Variants in MRPL48 observed in about 807,000 individuals in gnomAD.
The protein encoded by MRPL48 is large ribosomal subunit protein mL48.
In MRPL48, 16 loss-of-function variants were observed where a neutral mutation model predicts 32.9. That is an observed-to-expected ratio of 0.49 (90% CI 0.33 to 0.74). MRPL48 has a LOEUF of 0.74. MRPL48 is among the 30% of genes least tolerant of loss of function. The pLI, the probability that MRPL48 is intolerant of heterozygous loss-of-function variation, is 0.02. For synonymous variants in MRPL48, 94 were observed against 89.2 expected (o/e 1.05, Z -0.31); for missense variants, 206 against 245.3 (o/e 0.84, Z 1.07).
At chr11:73,813,346 G>A (rs970636367) in intron 3 of MRPL48, among the ~76,000 whole-genome samples, 1 of 150,634 alleles carries the variant, frequency 6.6e-6, no homozygotes, top group African/African-American at 2.4e-5. Flanking sequence ...TAATTTTTTT[G>A]TATTTTTAGT....
chr11:73,809,201 A>C (rs1393036786), intron 3 of MRPL48, among the ~76,000 whole-genome samples: 1 of 146,978 alleles, frequency 6.8e-6, no homozygotes, highest in Middle Eastern at 3.2e-3. Context: ...CCATTTGAAG[A>C]TTCAGTGAGA....
intron 5 of MRPL48, among the ~76,000 whole-genome samples, chr11:73,845,610 A>G (rs1007453534): frequency 6.6e-6 from 1 of 151,944 alleles, no homozygotes. Context: ...TCGTCTCTAC[A>G]AATAACAAAA....
At chr11:73,825,273 G>GTT (rs949573597) in intron 3 of MRPL48, among the ~76,000 whole-genome samples, 1 of 121,102 alleles carries the variant, frequency 8.3e-6, no homozygotes, top group Non-Finnish European at 1.7e-5. Flanking sequence ...CTGTTACCTT[G>GTT]TTTTTTATAT....
chr11:73,840,114 C>T (rs1230994317), intron 4 of MRPL48, among the ~76,000 whole-genome samples: 1 of 144,478 alleles, frequency 6.9e-6, no homozygotes, highest in Non-Finnish European at 1.5e-5. Context: ...AAAAAAAAAA[C>T]TCAGTTTTGT....
intron 5 of MRPL48, chr11:73,850,500 G>A (rs560027524): frequency 2.7e-5 from 9 of 338,946 alleles, no homozygotes; most frequent in Admixed American, 1.3e-4. Flanking sequence ...ATTTGACACC[G>A]TTTATTAAAC....
At position 73,864,495 on chromosome 11, in the gene MRPL48, AG is replaced by A; in HGVS notation, c.*126del. 1.1e-6 allele frequency: 1 copy of A among 894,912 alleles called. No homozygotes were observed. The highest frequency in any genetic ancestry group is 1.8e-6 in the Non-Finnish European group (1 of 564,484). 55.4% of individuals were successfully genotyped at this position (894,912 alleles called of 1,614,324 possible). On this transcript the variant is annotated 3_prime_UTR_variant, in exon 8 of 8. Coordinates refer to ENST00000310614, the MANE Select transcript of MRPL48 (RefSeq NM_016055.6). The stretch of plus-strand genomic sequence containing the variant: ...TTCATAAGTACCCATTCCCATAGCC[AG>A]TAATGTCCTCACTCCTCTGTGGCTT...
In MRPL48 at chr11:73,801,494, A is replaced by G. The variant is rs118108319; in HGVS notation, c.22-3533A>G. On this transcript the variant is annotated intron_variant, in intron 1 of 7. Transcript: ENST00000310614. ...ACAAAGTCTTTTAGTACCTGATTCA[A>G]TTGTGCTTCTGGGATCATCTGCACA... Among the ~76,000 whole-genome samples, 291 of 152,244 alleles carry G rather than the reference A, an allele frequency of 1.9e-3. 4 individuals are homozygous for G. The East Asian group carries it at 0.031, about 16-fold the overall frequency.
At chr11:73,805,293 C>CTTTTTTTTTTTTT (rs11335180) in intron 2 of MRPL48, among the ~76,000 whole-genome samples, 2 of 136,894 alleles carry the variant, frequency 1.5e-5, no homozygotes. Context: ...TGATGCTGTT[C>CTTTTTTTTTTTTT]TTTTTTTTTT....
chr11:73,788,049 G>GGAGATGGCGGACGGTGCAGAGAGGA, intron 1 of MRPL48, 57 bp downstream of exon 1: 1 of 1,602,960 alleles, frequency 6.2e-7, no homozygotes, highest in African/African-American at 1.3e-5. Context: ...TGCAGAGAGG[G>GGAGATGGCGGACGGTGCAGAGAGGA]GAGATGGCGG....
intron 4 of MRPL48, among the ~76,000 whole-genome samples, chr11:73,839,617 C>T (rs957386205): frequency 6.6e-6 from 1 of 152,004 alleles, no homozygotes. Context: ...TCACGCCACA[C>T]ACAGAAATGA....
chr11:73,809,296 A>G (rs1453648445), intron 3 of MRPL48, among the ~76,000 whole-genome samples: 3 of 152,062 alleles, frequency 2.0e-5, no homozygotes, highest in South Asian at 2.1e-4. Context: ...TCATGAGGTC[A>G]GATCAAGACA....
chr11:73,858,232 G>T (rs944228472), intron 5 of MRPL48, among the ~76,000 whole-genome samples: 8 of 152,318 alleles, frequency 5.3e-5, no homozygotes, highest in Middle Eastern at 3.4e-3. Flanking sequence ...ATGCTGAAAA[G>T]CAGGAGGGAT....
intron 2 of MRPL48, among the ~76,000 whole-genome samples, chr11:73,807,514 A>G (rs1947475162): frequency 6.6e-6 from 1 of 151,270 alleles, no homozygotes; most frequent in Non-Finnish European, 1.5e-5. Flanking sequence ...ATTTTTCGTT[A>G]TCTCTAATCT....
chr11:73,799,842 T>C (rs1947324661), intron 1 of MRPL48, among the ~76,000 whole-genome samples: 1 of 152,164 alleles, frequency 6.6e-6, no homozygotes, highest in Non-Finnish European at 1.5e-5. Context: ...GAGATGGTGT[T>C]TGGCATATAG....
intron 3 of MRPL48, among the ~76,000 whole-genome samples, chr11:73,812,282 T>C (rs916629763): frequency 5.3e-5 from 8 of 152,214 alleles, no homozygotes; most frequent in African/African-American, 1.9e-4. Context: ...ATTTATATTA[T>C]GTGTGTGTAT....
intron 5 of MRPL48, among the ~76,000 whole-genome samples, chr11:73,858,083 T>C (rs1948517635): frequency 1.3e-5 from 2 of 152,210 alleles, no homozygotes; most frequent in Admixed American, 6.5e-5. Flanking sequence ...AGAAAAATAG[T>C]ATTTTAGGGT....
Position 73,864,351 on chromosome 11 carries a change from T to G in MRPL48, c.620T>G (p.Leu207Arg). ...AAAGCTCGACCAGAACTGGAAGAACTGTTGGCCAAGTTGAAGTAGCTACTG... is the reference window on the plus strand; with the variant it reads ...AAAGCTCGACCAGAACTGGAAGAACGGTTGGCCAAGTTGAAGTAGCTACTG... ...RFKARPELEE[L>R]LAKLK The change falls in exon 8 of 8, where the codon CTG (leucine) becomes CGG (arginine). Residue 207 changes from leucine (L) to arginine (R), a missense_variant. By Grantham distance (102) the Leu-to-Arg change is moderately radical (BLOSUM62 -2). Transcript: ENST00000310614. The G allele has an allele frequency of 6.2e-7, 1 of 1,613,910 alleles. No individual in the cohort carries two copies. Among genetic ancestry groups the G allele is most frequent in the Non-Finnish European group, 8.5e-7 (1 of 1,179,860 alleles).
At chr11:73,851,479 A>G (rs981748747) in intron 5 of MRPL48, among the ~76,000 whole-genome samples, 3 of 152,226 alleles carry the variant, frequency 2.0e-5, no homozygotes, top group African/African-American at 7.2e-5. Context: ...CTGTGACTTT[A>G]GCTCTCATAG....
chr11:73,794,190 A>ATCTATCTGTCTG (rs57974546), intron 1 of MRPL48, among the ~76,000 whole-genome samples: 5 of 146,802 alleles, frequency 3.4e-5, no homozygotes, highest in East Asian at 4.1e-4. Context: ...CCCTGTATCT[A>ATCTATCTGTCTG]TCTATCTATC....
Sources: allele counts gnomAD v4.1 joint callset (sites outside exome capture counted in the v4.1 genomes callset), GRCh38; gene constraint gnomAD v4.1.1; transcripts MANE v1.5; gene names NCBI Gene and HGNC (gene_info 2026-07-23, HGNC 2026-07-21).